The following RASSF1 variants were observed in gnomAD, a reference collection of about 807,000 sequenced individuals.
RASSF1 encodes ras association domain-containing protein 1.
Under a neutral mutation model 34.3 loss-of-function variants are expected in RASSF1, and 33 were observed. The ratio of observed to expected loss-of-function variants is 0.96; its 90% CI spans 0.73 to 1.29. The LOEUF (loss-of-function observed/expected upper bound fraction) is 1.29. Ranked by LOEUF, RASSF1 falls within the 50% of genes most tolerant of loss-of-function variation. The pLI is 0.00. For missense variants in RASSF1, 445 were observed against 471.8 expected, an observed-to-expected ratio of 0.94 and a Z score of 0.53; for synonymous variants, 191 against 195.0, an observed-to-expected ratio of 0.98 and a Z score of 0.17.
intron 3 of RASSF1, 49 bp downstream of exon 3, chr3:50,332,001 G>T (rs767840361): frequency 6.3e-7 from 1 of 1,596,660 alleles, no homozygotes; most frequent in Non-Finnish European, 8.6e-7. Context: ...CAGGCACATA[G>T]CTGGGTACCT....
At position 50,340,539 on chromosome 3, in the gene RASSF1, G is replaced by A. The variant is rs1330680715; in HGVS notation, c.250+17C>T. ...CTGCCCCTTCCGCTCTCGTAGGCGC[G>A]CGGGGCCACTACTCACGCGCGCACT... On this transcript the variant is annotated intron_variant, in intron 1 of 5. Coordinates refer to ENST00000359365, the MANE Select transcript of RASSF1 (RefSeq NM_007182.5). 8 of 1,473,666 alleles carry A rather than the reference G, an allele frequency of 5.4e-6. No individual in the cohort carries two copies. The highest frequency in any genetic ancestry group is 7.1e-6 in the Non-Finnish European group (8 of 1,121,230). The allele number at this position is 1,473,666 out of a possible 1,614,324, so 91.3% of individuals were successfully genotyped here. A position where few individuals can be genotyped will look rare whatever the true frequency, so the allele number is the denominator to read the frequency against.
Position 50,330,493 on chromosome 3 carries a change from T to C in RASSF1, c.*88A>G. On this transcript the variant is annotated 3_prime_UTR_variant, in exon 6 of 6. Transcript: ENST00000359365. This position sits in a 1 kb window ranked among gnomAD's most constrained non-coding sequence, Gnocchi z 4.5. ...ACAGGAGGGCCTCCATGCACACTCA[T>C]TCCACAGGCCCCACTGGCCCTGTCA... 6.5e-7 allele frequency: 1 copy of C among 1,534,716 alleles called. No homozygotes were observed. Among genetic ancestry groups the C allele is most frequent in the Non-Finnish European group, 8.9e-7 (1 of 1,122,378 alleles).
intron 2 of RASSF1, chr3:50,337,569 C>T: frequency 2.1e-6 from 3 of 1,401,236 alleles, no homozygotes; most frequent in Non-Finnish European, 2.9e-6. Flanking sequence ...CTCACAGACC[C>T]CACCTACCAC....
chr3:50,339,360 C>CTTTGTTTT (rs1703278675), intron 1 of RASSF1, among the ~76,000 whole-genome samples: 1 of 104,452 alleles, frequency 9.6e-6, no homozygotes, highest in African/African-American at 4.6e-5. Flanking sequence ...CAGCCTTGTT[C>CTTTGTTTT]TTTTTTTTTT....
At chr3:50,333,872 T>C (rs1210318534) in intron 2 of RASSF1, among the ~76,000 whole-genome samples, 3 of 152,136 alleles carry the variant, frequency 2.0e-5, no homozygotes, top group Non-Finnish European at 4.4e-5. Context: ...CAGCCAGGGC[T>C]CTGAACCGAC....
intron 1 of RASSF1, among the ~76,000 whole-genome samples, chr3:50,339,532 A>AT (rs141207090): frequency 0.034 from 5,159 of 150,096 alleles, 300 homozygotes; most frequent in African/African-American, 0.12. Flanking sequence ...CGCCTGGCTC[A>AT]TTTTTTTTTA....
rs146763973 is a variant in RASSF1 at position 50,333,623 on chromosome 3, C to T, written c.358-1469G>A. On this transcript the variant is annotated intron_variant, in intron 2 of 5. Coordinates refer to ENST00000359365, the MANE Select transcript of RASSF1 (RefSeq NM_007182.5). ...TCCCGAGTAGCTGGGACTACAGGCG[C>T]GTGCCACAACAACACCCGGCTAATT... 1.1e-3 allele frequency among the ~76,000 whole-genome samples: 170 copies of T among 152,060 alleles called. 1 individual carries two copies. The East Asian group carries it at 0.017, about 15-fold the overall frequency.
intron 2 of RASSF1, among the ~76,000 whole-genome samples, chr3:50,333,622 G>A (rs1367868389): frequency 6.6e-6 from 1 of 152,034 alleles, no homozygotes; most frequent in Non-Finnish European, 1.5e-5. Context: ...GACTACAGGC[G>A]CGTGCCACAA....
rs587687394 is a variant in RASSF1 at position 50,332,276 on chromosome 3, T to C, written c.358-122A>G. ...TGGCCCCCTGTCCCTGATGTACATA[T>C]ACATAGCTGGTGCCCACCCTGAACC... On this transcript the variant is annotated intron_variant, in intron 2 of 5. Coordinates refer to ENST00000359365, the MANE Select transcript of RASSF1 (RefSeq NM_007182.5). 777 of 748,148 alleles carry C rather than the reference T, an allele frequency of 1.0e-3. 14 individuals are homozygous for C. In the South Asian group the frequency reaches 0.012, roughly 12 times the overall value. The allele number at this position is 748,148 out of a possible 1,614,324, so 46.3% of individuals were successfully genotyped here. A position where few individuals can be genotyped will look rare whatever the true frequency, so the allele number is the denominator to read the frequency against.
Position 50,336,871 on chromosome 3 carries a change from G to A in RASSF1, c.357+1034C>T, listed in dbSNP as rs902291064. 14 of 422,946 alleles carry A rather than the reference G, an allele frequency of 3.3e-5. No homozygotes were observed. The South Asian group carries it at 4.1e-4, about 12-fold the overall frequency. 26.2% of individuals were successfully genotyped at this position (422,946 alleles called of 1,614,324 possible). A position where few individuals can be genotyped will look rare whatever the true frequency, so the allele number is the denominator to read the frequency against. On this transcript the variant is annotated intron_variant, in intron 2 of 5. Coordinates refer to ENST00000359365, the MANE Select transcript of RASSF1 (RefSeq NM_007182.5). ...TCGAGGTGCTAGTCCAAACTGCTCG[G>A]TCGGCTTTAGTCATAGCTGGATAAT...
chr3:50,334,870 A>G (rs1703070583), intron 2 of RASSF1, among the ~76,000 whole-genome samples: 1 of 152,170 alleles, frequency 6.6e-6, no homozygotes, highest in Non-Finnish European at 1.5e-5. Flanking sequence ...CAGCCATCCC[A>G]GTCGGATGCA....
chr3:50,337,518 C>T (rs1703196030), intron 2 of RASSF1: 11 of 1,521,226 alleles, frequency 7.2e-6, no homozygotes, highest in Non-Finnish European at 9.7e-6. Flanking sequence ...GGGACACGCA[C>T]GCTTCGCCCC....
At position 50,340,755 on chromosome 3, in the gene RASSF1, C is replaced by T. The variant is rs753974361; in HGVS notation, c.51G>A (p.Gly17=). 24 of 1,512,466 alleles carry T rather than the reference C, an allele frequency of 1.6e-5. No homozygotes were observed. Among genetic ancestry groups the T allele is most frequent in the Non-Finnish European group, 1.8e-5 (21 of 1,140,322 alleles). The allele number at this position is 1,512,466 out of a possible 1,614,324, so 93.7% of individuals were successfully genotyped here. A position where few individuals can be genotyped will look rare whatever the true frequency, so the allele number is the denominator to read the frequency against. The change falls in exon 1 of 6, where the codon GGG becomes GGA. Residue 17 remains glycine, a synonymous_variant. Coordinates refer to ENST00000359365, the MANE Select transcript of RASSF1 (RefSeq NM_007182.5). The stretch of plus-strand genomic sequence containing the variant: ...GCCGGGTGCGGCCCTTCCCAGCGCG[C>T]CCAGCGGGTGCCAGCTCCCGCAGCT... ...LIELRELAPA[G]RAGKGRTRLE...
At chr3:50,335,480 A>G (rs1559843600) in intron 2 of RASSF1, among the ~76,000 whole-genome samples, 1 of 150,610 alleles carries the variant, frequency 6.6e-6, no homozygotes, top group East Asian at 2.0e-4. Context: ...CCATGGCCAG[A>G]TAATTTTTTT....
At chr3:50,337,457 T>A in intron 2 of RASSF1, 1 of 1,568,248 alleles carries the variant, frequency 6.4e-7, no homozygotes, top group South Asian at 1.1e-5. Context: ...GACTGAAACG[T>A]AGATCGCCGG....
Position 50,331,661 on chromosome 3 carries a change from T to A in RASSF1, c.658A>T (p.Thr220Ser), listed in dbSNP as rs773194065. The stretch of plus-strand genomic sequence containing the variant: ...GCCTCAATGACTTCACGTGCCCTTG[T>A]GCGTGACAGCACATGCAGGTGCTTG... ...AVKHLHVLSR[T>S]RAREVIEALL... Residue 220 changes from threonine (T) to serine (S), a missense_variant, in exon 4 of 6, where the codon ACA becomes TCA. Coordinates refer to ENST00000359365, the MANE Select transcript of RASSF1 (RefSeq NM_007182.5). The A allele has an allele frequency of 9.3e-6, 15 of 1,612,768 alleles. No individual in the cohort carries two copies. Among genetic ancestry groups the A allele is most frequent in the Non-Finnish European group, 1.3e-5 (15 of 1,179,030 alleles).
chr3:50,331,856 T>A lies in RASSF1; in HGVS notation c.463A>T (p.Asn155Tyr), dbSNP rs1170982738. ...AAGCCTGTGTAAGAACCGTCCTTGT[T>A]CTAAAGAAATAGAGAAACCAAACCT... is the stretch of plus-strand genomic sequence containing the variant. ...QINSNLFMSLNKDGSYTGFIK... is the reference protein window; with the variant it reads ...QINSNLFMSLYKDGSYTGFIK... The change falls in exon 4 of 6, where the codon AAC (asparagine) becomes TAC (tyrosine). Residue 155 changes from asparagine (N) to tyrosine (Y), a missense_variant and splice_region_variant. Coordinates refer to ENST00000359365, the MANE Select transcript of RASSF1 (RefSeq NM_007182.5). The A allele has an allele frequency of 3.9e-6, 6 of 1,557,166 alleles. No individual in the cohort carries two copies. The highest frequency in any genetic ancestry group is 5.2e-6 in the Non-Finnish European group (6 of 1,148,974).
chr3:50,340,374 G>T (rs138277727), intron 1 of RASSF1, among the ~76,000 whole-genome samples, 182 bp downstream of exon 1: 7 of 152,232 alleles, frequency 4.6e-5, no homozygotes, highest in South Asian at 2.1e-4. Context: ...GCCCAGATAC[G>T]AGTGGAGTGC....
At chr3:50,337,429 C>A in intron 2 of RASSF1, 2 of 1,579,386 alleles carry the variant, frequency 1.3e-6, no homozygotes, top group Non-Finnish European at 1.7e-6. Flanking sequence ...CGGGCCAGAG[C>A]CGCGCCGCAA....
Sources: allele counts gnomAD v4.1 joint callset (sites outside exome capture counted in the v4.1 genomes callset), GRCh38; gene constraint gnomAD v4.1.1; non-coding constraint Gnocchi (gnomAD v3.1); transcripts MANE v1.5; gene names NCBI Gene and HGNC (gene_info 2026-07-23, HGNC 2026-07-21).